Variants in HS3ST5 observed in about 807,000 individuals in gnomAD.
HS3ST5 encodes the protein heparan sulfate glucosamine 3-O-sulfotransferase 5.
A neutral mutation model predicts 25.4 loss-of-function variants in HS3ST5; 10 were observed. The ratio of observed to expected loss-of-function variants is 0.39; its 90% CI spans 0.24 to 0.67. The LOEUF is 0.67. Among genes scored for constraint, HS3ST5 ranks in the 30% least tolerant of loss-of-function variants. HS3ST5 has a pLI of 0.44. For missense variants in HS3ST5, 324 were observed against 420.7 expected (o/e 0.77, Z 2.01); for synonymous variants, 170 against 162.4 (o/e 1.05, Z -0.36).
At chr6:114,332,201 G>A (rs1379955676) in intron 1 of HS3ST5, among the ~76,000 whole-genome samples, 1 of 152,130 alleles carries the variant, frequency 6.6e-6, no homozygotes, top group African/African-American at 2.4e-5. Flanking sequence ...CTTCTAGGCA[G>A]TTAGAATACT....
intron 2 of HS3ST5, among the ~76,000 whole-genome samples, chr6:114,203,422 C>G (rs1192164617): frequency 1.3e-5 from 2 of 152,104 alleles, no homozygotes; most frequent in African/African-American, 4.8e-5. Flanking sequence ...ATGTGGGAAC[C>G]CTGAATTCTA....
chr6:114,201,639 G>A (rs1027757178), intron 2 of HS3ST5, among the ~76,000 whole-genome samples: 3 of 152,092 alleles, frequency 2.0e-5, no homozygotes, highest in African/African-American at 7.2e-5. Context: ...CTAAACGTCA[G>A]CTTCTCAATG....
At chr6:114,130,290 T>C (rs894546723) in intron 3 of HS3ST5, among the ~76,000 whole-genome samples, 4 of 152,236 alleles carry the variant, frequency 2.6e-5, no homozygotes, top group Non-Finnish European at 5.9e-5. Context: ...AAACATTCTA[T>C]TGAGTTGCAC....
At chr6:114,091,896 T>C (rs530347172) in intron 3 of HS3ST5, among the ~76,000 whole-genome samples, 1 of 152,298 alleles carries the variant, frequency 6.6e-6, no homozygotes, top group South Asian at 2.1e-4. Context: ...TGTTTTCTGG[T>C]AGAGACTTGC....
At chr6:114,274,912 C>A (rs1263364423) in intron 1 of HS3ST5, among the ~76,000 whole-genome samples, 1 of 150,740 alleles carries the variant, frequency 6.6e-6, no homozygotes, top group Non-Finnish European at 1.5e-5. Context: ...ACTATGTATA[C>A]AACTATACAC....
chr6:114,135,413 A>G (rs981192232), intron 3 of HS3ST5, among the ~76,000 whole-genome samples: 1 of 152,210 alleles, frequency 6.6e-6, no homozygotes, highest in Non-Finnish European at 1.5e-5. Context: ...CAGGCAGGGA[A>G]AAAACCAAGA....
At chr6:114,216,728 TAAAAAAA>T (rs760077446) in intron 2 of HS3ST5, among the ~76,000 whole-genome samples, 9 of 90,166 alleles carry the variant, frequency 1.0e-4, no homozygotes, top group African/African-American at 3.8e-4. Context: ...TCGTCCTCCT[TAAAAAAA>T]AAAAAAAAAA....
chr6:114,084,253 C>T lies in HS3ST5; in HGVS notation c.-32-21376G>A, dbSNP rs1015062289. The T allele has an allele frequency of 4.1e-5, 39 of 949,202 alleles. No individual in the cohort carries two copies. The African/African-American group carries it at 6.1e-4, about 15-fold the overall frequency. 58.8% of individuals were successfully genotyped at this position (949,202 alleles called of 1,614,324 possible). A position where few individuals can be genotyped will look rare whatever the true frequency, so the allele number is the denominator to read the frequency against. ...CCAGTCTTCCGTGGCAGGCTGAGCA[C>T]TCCAATATTCAGTAGGGAACTGCTG... On this transcript the variant is annotated intron_variant, in intron 3 of 4. Coordinates refer to ENST00000312719, the MANE Select transcript of HS3ST5 (RefSeq NM_153612.4).
intron 2 of HS3ST5, among the ~76,000 whole-genome samples, chr6:114,173,471 G>C (rs1779569829): frequency 6.6e-6 from 1 of 152,208 alleles, no homozygotes; most frequent in Non-Finnish European, 1.5e-5. Flanking sequence ...AGTAATAAGA[G>C]ATAAGTCAAA....
chr6:114,290,923 CCCACTGTTACT>C (rs148024058), intron 1 of HS3ST5, among the ~76,000 whole-genome samples: 90 of 151,928 alleles, frequency 5.9e-4, no homozygotes, highest in Non-Finnish European at 1.2e-3. Context: ...TAATTTGTTT[CCCACTGTTACT>C]CCTGATTGCA....
intron 2 of HS3ST5, among the ~76,000 whole-genome samples, chr6:114,193,007 G>C (rs531599664): frequency 6.6e-5 from 10 of 152,214 alleles, no homozygotes; most frequent in African/African-American, 2.4e-4. Context: ...AACTTAATCA[G>C]AGCATGGGTG....
At chr6:114,114,795 T>A (rs1776436664) in intron 3 of HS3ST5, among the ~76,000 whole-genome samples, 1 of 152,112 alleles carries the variant, frequency 6.6e-6, no homozygotes. Flanking sequence ...AGTTACTTTT[T>A]AAAAAAATCG....
intron 1 of HS3ST5, among the ~76,000 whole-genome samples, chr6:114,237,701 G>A (rs371576912): frequency 3.9e-5 from 6 of 152,218 alleles, no homozygotes; most frequent in African/African-American, 1.2e-4. Context: ...TGGAATTTCT[G>A]GGAAAAGTTC....
At chr6:114,115,099 A>C (rs540550112) in intron 3 of HS3ST5, among the ~76,000 whole-genome samples, 5 of 152,242 alleles carry the variant, frequency 3.3e-5, no homozygotes, top group Admixed American at 1.3e-4. Flanking sequence ...AATAAAACCT[A>C]TATGAGGATA....
chr6:114,070,642 C>T (rs574604691), intron 3 of HS3ST5, among the ~76,000 whole-genome samples: 1 of 152,190 alleles, frequency 6.6e-6, no homozygotes, highest in East Asian at 1.9e-4. Context: ...TGTCTTTGCC[C>T]TCTCATTATC....
At chr6:114,333,325 G>A (rs762738215) in intron 1 of HS3ST5, among the ~76,000 whole-genome samples, 3 of 152,102 alleles carry the variant, frequency 2.0e-5, no homozygotes, top group Non-Finnish European at 2.9e-5. Flanking sequence ...GGATGTCTGC[G>A]CAGATGATAC....
rs1441046553 is a variant in HS3ST5 at position 114,224,722 on chromosome 6, C to CACT, written c.-145+3862_-145+3863insAGT. Among the ~76,000 whole-genome samples, 5 of 123,268 alleles carry CACT rather than the reference C, an allele frequency of 4.1e-5. No homozygotes were observed. In the East Asian group the frequency reaches 9.9e-4, roughly 24 times the overall value. The allele number at this position is 123,268 out of a possible 152,430, so 80.9% of individuals were successfully genotyped here. A position where few individuals can be genotyped will look rare whatever the true frequency, so the allele number is the denominator to read the frequency against. On this transcript the variant is annotated intron_variant, in intron 2 of 4. Coordinates refer to ENST00000312719, the MANE Select transcript of HS3ST5 (RefSeq NM_153612.4). ...TATACACACACACACACACACACAC[C>CACT]GACTTCTTTCTGTTGTGTCTTTCCT...
At chr6:114,316,969 T>TA (rs1370348941) in intron 1 of HS3ST5, among the ~76,000 whole-genome samples, 1 of 152,222 alleles carries the variant, frequency 6.6e-6, no homozygotes, top group African/African-American at 2.4e-5. Flanking sequence ...GCATAGCAGT[T>TA]ACACAGTTAG....
At chr6:114,280,126 T>A (rs547799475) in intron 1 of HS3ST5, among the ~76,000 whole-genome samples, 14 of 149,824 alleles carry the variant, frequency 9.3e-5, no homozygotes, top group African/African-American at 3.4e-4. Flanking sequence ...AGGATAAAGA[T>A]GTGTGAGAGA....
Sources: gnomAD v4.1 joint callset for allele counts (sites outside exome capture counted in the v4.1 genomes callset) on GRCh38, gnomAD v4.1.1 for gene constraint, MANE v1.5 for transcripts, NCBI Gene and HGNC (gene_info 2026-07-23, HGNC 2026-07-21) for gene names.